BRWD1: variants seen among roughly 807,000 people sequenced by gnomAD.
BRWD1 encodes bromodomain and WD repeat-containing protein 1.
Under a neutral mutation model 251.2 loss-of-function variants are expected in BRWD1, and 82 were observed. That is an observed-to-expected ratio of 0.33 (90% CI 0.27 to 0.39). The LOEUF (loss-of-function observed/expected upper bound fraction) is 0.39. Ranked by LOEUF, BRWD1 falls within the 10% of genes least tolerant of loss-of-function variation. BRWD1 has a pLI of 1.00. For synonymous variants in BRWD1, 918 were observed against 902.8 expected, an observed-to-expected ratio of 1.02 and a Z score of -0.30; for missense variants, 2,233 against 2,711.6, an observed-to-expected ratio of 0.82 and a Z score of 3.92.
chr21:39,201,200 G>C (rs1460601690), intron 38 of BRWD1, among the ~76,000 whole-genome samples: 1 of 152,084 alleles, frequency 6.6e-6, no homozygotes, highest in Non-Finnish European at 1.5e-5. Flanking sequence ...GGGAAGAAAA[G>C]AAAACTGGCT....
rs768812248 is a variant in BRWD1, at chr21:39,232,397, A to C, written c.2868T>G (p.Pro956=). 2 of 1,590,876 alleles carry C rather than the reference A, an allele frequency of 1.3e-6. No homozygotes were observed. Among genetic ancestry groups the C allele is most frequent in the Admixed American group, 3.9e-5 (2 of 51,616 alleles). ...CCTCATCACCCATTTGAGGAACAAA[A>C]GGAGATTTTCTAAGTGTGGTGTCAG... ...WITDTTLRKS[P]FVPQMGDEVI... is the part of the protein sequence containing the mutation. The change falls in exon 24 of 41, where the codon CCT becomes CCG. Residue 956 remains proline (P), a synonymous_variant. Transcript: ENST00000342449.
rs2031587365 is a variant in BRWD1, at chr21:39,192,177, T to C, written c.*4082A>G. 2 of 985,270 alleles carry C rather than the reference T, an allele frequency of 2.0e-6. No homozygotes were observed. Among genetic ancestry groups the C allele is most frequent in the Admixed American group, 6.1e-5 (1 of 16,270 alleles). The allele number at this position is 985,270 out of a possible 1,614,324, so 61.0% of individuals were successfully genotyped here. ...TACTTTTGAGAATCCCCATGTATCC[T>C]TGGGCAACATCTCTGTAATTTAACA... On this transcript the variant is annotated 3_prime_UTR_variant, in exon 41 of 41. Transcript: ENST00000342449.
At chr21:39,205,467 A>AC (rs1247069366) in intron 37 of BRWD1, among the ~76,000 whole-genome samples, 2 of 152,056 alleles carry the variant, frequency 1.3e-5, no homozygotes, top group Non-Finnish European at 2.9e-5. Context: ...ACATAGTGAA[A>AC]CCCTGTCTTA....
intron 4 of BRWD1, among the ~76,000 whole-genome samples, chr21:39,304,540 G>A (rs1293901710): frequency 1.3e-5 from 2 of 152,002 alleles, no homozygotes; most frequent in Non-Finnish European, 2.9e-5. Context: ...CTTGAACCCA[G>A]GAGGTCAAAG....
In BRWD1 at chr21:39,202,398, G is replaced by A; in HGVS notation, c.4512C>T (p.Asp1504=). ...AGISSGVTSG[D]SSDSAESSER... is the part of the protein sequence containing the mutation. ...CTGATGATTCTGCTGAATCTGAAGA[G>A]TCACCAGAAGTAACACCTGAAGAGA... Residue 1504 remains aspartate, a synonymous_variant, in exon 38 of 41, where the codon GAC becomes GAT. Coordinates refer to ENST00000342449, the MANE Select transcript of BRWD1 (RefSeq NM_033656.4). 6.2e-7 allele frequency: 1 copy of A among 1,613,930 alleles called. No individual in the cohort carries two copies. Among genetic ancestry groups the A allele is most frequent in the Non-Finnish European group, 8.5e-7 (1 of 1,179,844 alleles).
intron 33 of BRWD1, among the ~76,000 whole-genome samples, chr21:39,212,972 T>G (rs2032727745): frequency 6.6e-6 from 1 of 152,314 alleles, no homozygotes; most frequent in South Asian, 2.1e-4. Flanking sequence ...AGACGCTTCA[T>G]GCATTTCCTA....
intron 29 of BRWD1, among the ~76,000 whole-genome samples, chr21:39,220,681 A>G (rs2146524112): frequency 6.6e-6 from 1 of 152,328 alleles, no homozygotes; most frequent in African/African-American, 2.4e-5. Flanking sequence ...CAAAGACATG[A>G]ATGCAGTTAT....
Position 39,196,051 on chromosome 21 carries a change from CAT to C in BRWD1, c.*206_*207del. On this transcript the variant is annotated 3_prime_UTR_variant, in exon 41 of 41. Coordinates refer to ENST00000342449, the MANE Select transcript of BRWD1 (RefSeq NM_033656.4). Reference sequence around the variant, plus strand: ...AAATAGATCTGCCCCCAAAATGAAGCATATTTTGGCACCTGTGCTGAATGCTG... The same window carrying C: ...AAATAGATCTGCCCCCAAAATGAAGCATTTTGGCACCTGTGCTGAATGCTG... 7.8e-7 allele frequency: 1 copy of C among 1,279,992 alleles called. No homozygotes were observed. 79.3% of individuals were successfully genotyped at this position (1,279,992 alleles called of 1,614,324 possible).
At chr21:39,200,153 T>C in intron 39 of BRWD1, 66 bp downstream of exon 39, 1 of 1,392,804 alleles carries the variant, frequency 7.2e-7, no homozygotes, top group Non-Finnish European at 9.8e-7. Flanking sequence ...ATCGAGAATC[T>C]ATTCAATTTA....
chr21:39,191,550 G>C lies in BRWD1; in HGVS notation c.*4709C>G, dbSNP rs2031556545. On this transcript the variant is annotated 3_prime_UTR_variant, in exon 41 of 41. Coordinates refer to ENST00000342449, the MANE Select transcript of BRWD1 (RefSeq NM_033656.4). ...GAAGTGGAAAACTAAAGATCTGCTTGACAGGCTCATGTAATTTTTTGATTG... is the reference window on the plus strand; with the variant it reads ...GAAGTGGAAAACTAAAGATCTGCTTCACAGGCTCATGTAATTTTTTGATTG... 1 of 982,714 alleles carries C rather than the reference G, an allele frequency of 1.0e-6. No homozygotes were observed. Among genetic ancestry groups the C allele is most frequent in the South Asian group, 4.7e-5 (1 of 21,228 alleles). The allele number at this position is 982,714 out of a possible 1,614,324, so 60.9% of individuals were successfully genotyped here. A position where few individuals can be genotyped will look rare whatever the true frequency, so the allele number is the denominator to read the frequency against.
At chr21:39,204,439 TTAATC>T (rs960175958) in intron 37 of BRWD1, among the ~76,000 whole-genome samples, 10 of 152,214 alleles carry the variant, frequency 6.6e-5, no homozygotes, top group African/African-American at 2.2e-4. Flanking sequence ...AAATGTGATA[TTAATC>T]TAAACTACAT....
intron 22 of BRWD1, 73 bp downstream of exon 22, chr21:39,238,406 T>C: frequency 7.8e-7 from 1 of 1,281,752 alleles, no homozygotes; most frequent in Non-Finnish European, 1.1e-6. Flanking sequence ...GCCTCTTGAA[T>C]AAAATTCAAG....
chr21:39,187,270 T>G lies in BRWD1; in HGVS notation c.*8989A>C, dbSNP rs929160935. The stretch of plus-strand genomic sequence containing the variant: ...TAGATTACTCATTATCTTTATTTTA[T>G]TTGCAGCAACAGTAGCACATCTGCG... On this transcript the variant is annotated 3_prime_UTR_variant, in exon 41 of 41. Coordinates refer to ENST00000342449, the MANE Select transcript of BRWD1 (RefSeq NM_033656.4). 4 of 1,613,898 alleles carry G rather than the reference T, an allele frequency of 2.5e-6. No homozygotes were observed. Among genetic ancestry groups the G allele is most frequent in the Non-Finnish European group, 3.4e-6 (4 of 1,179,952 alleles).
In BRWD1 at chr21:39,188,841, A is replaced by T. The variant is rs933355456; in HGVS notation, c.*7418T>A. ...ATGTGATTCACATGTTTTTCCAGTG[A>T]AATTCTAAGGGCACTATGTTTTGTT... On this transcript the variant is annotated 3_prime_UTR_variant, in exon 41 of 41. Coordinates refer to ENST00000342449, the MANE Select transcript of BRWD1 (RefSeq NM_033656.4). 1.0e-6 allele frequency: 1 copy of T among 985,302 alleles called. No homozygotes were observed. Among genetic ancestry groups the T allele is most frequent in the African/African-American group, 1.7e-5 (1 of 57,234 alleles). The allele number at this position is 985,302 out of a possible 1,614,324, so 61.0% of individuals were successfully genotyped here.
chr21:39,274,678 A>G (rs2035224749), intron 12 of BRWD1, among the ~76,000 whole-genome samples: 2 of 152,238 alleles, frequency 1.3e-5, no homozygotes, highest in South Asian at 2.1e-4. Context: ...GCCCTATGAA[A>G]TAAAACACAC....
At position 39,194,732 on chromosome 21, in the gene BRWD1, C is replaced by G. The variant is rs1393472462; in HGVS notation, c.*1527G>C. On this transcript the variant is annotated 3_prime_UTR_variant, in exon 41 of 41. Transcript: ENST00000342449. ...CGCCTTGTCTGCCACTTCAAAGATA[C>G]ACAGGAGAAAAGGTTTTGTCTGAAA... is the stretch of plus-strand genomic sequence containing the variant. 2 of 1,535,256 alleles carry G rather than the reference C, an allele frequency of 1.3e-6. No homozygotes were observed. The highest frequency in any genetic ancestry group is 1.7e-6 in the Non-Finnish European group (2 of 1,146,048).
intron 4 of BRWD1, among the ~76,000 whole-genome samples, chr21:39,304,425 A>G (rs1198811155): frequency 2.1e-5 from 3 of 143,382 alleles, no homozygotes; most frequent in African/African-American, 7.3e-5. Flanking sequence ...AGCCTAGGCC[A>G]TATAGTGAGA....
At position 39,191,491 on chromosome 21, in the gene BRWD1, A is replaced by T. The variant is rs2031552827; in HGVS notation, c.*4768T>A. ...AGAACTGACAAAAATCATCTAAATG[A>T]ATAGATTAATTTAGAACATTAACGA... On this transcript the variant is annotated 3_prime_UTR_variant, in exon 41 of 41. Transcript: ENST00000342449. 1 of 977,754 alleles carries T rather than the reference A, an allele frequency of 1.0e-6. No individual in the cohort carries two copies. The allele number at this position is 977,754 out of a possible 1,614,324, so 60.6% of individuals were successfully genotyped here. A position where few individuals can be genotyped will look rare whatever the true frequency, so the allele number is the denominator to read the frequency against.
intron 8 of BRWD1, among the ~76,000 whole-genome samples, chr21:39,290,485 C>T (rs372670940): frequency 3.5e-5 from 5 of 142,874 alleles, no homozygotes; most frequent in Admixed American, 1.4e-4. Context: ...AGCAAGACTC[C>T]GTCTCAAAAA....
Sources: gnomAD v4.1 joint callset for allele counts (sites outside exome capture counted in the v4.1 genomes callset) on GRCh38, gnomAD v4.1.1 for gene constraint, MANE v1.5 for transcripts, NCBI Gene and HGNC (gene_info 2026-07-23, HGNC 2026-07-21) for gene names.